NCAM2: variants seen among roughly 807,000 people sequenced by gnomAD.
NCAM2 encodes the protein neural cell adhesion molecule 2, also known as N-CAM-2.
In NCAM2, 30 loss-of-function variants were observed where a neutral mutation model predicts 98.1. The observed-to-expected ratio is 0.31, with a 90% CI of 0.23 to 0.41. The LOEUF (loss-of-function observed/expected upper bound fraction) is 0.41, where lower values mean the gene tolerates loss of function less well. Among genes scored for constraint, NCAM2 ranks in the 10% least tolerant of loss-of-function variants. The pLI, the probability that NCAM2 is intolerant of heterozygous loss-of-function variation, is 1.00. For synonymous variants in NCAM2, 368 were observed against 342.4 expected (o/e 1.07, Z -0.83); for missense variants, 867 against 1,005.8 (o/e 0.86, Z 1.87).
intron 15 of NCAM2, among the ~76,000 whole-genome samples, chr21:21,485,895 A>T (rs1241116205): frequency 1.3e-5 from 2 of 152,126 alleles, no homozygotes; most frequent in African/African-American, 4.8e-5. Context: ...TCTCTTTCAT[A>T]GTAGATTTTC....
intron 12 of NCAM2, among the ~76,000 whole-genome samples, chr21:21,458,562 C>T (rs188222070): frequency 4.1e-4 from 62 of 152,224 alleles, no homozygotes; most frequent in African/African-American, 1.5e-3. Context: ...CTGCTTTGCC[C>T]CTTCTGCAAT....
At position 21,079,370 on chromosome 21, in the gene NCAM2, C is replaced by T. The variant is rs148557622; in HGVS notation, c.55+80752C>T. ...CACCTCTATGAGTGAGAAGCTATGA[C>T]AGAATTTGTAGAAATGTCAAAGATG... On this transcript the variant is annotated intron_variant, in intron 1 of 17. Transcript: ENST00000400546. 1.5e-3 allele frequency among the ~76,000 whole-genome samples: 224 copies of T among 152,182 alleles called. 1 individual carries two copies. Among genetic ancestry groups the T allele is most frequent in the African/African-American group, 5.4e-3 (223 of 41,524 alleles).
intron 1 of NCAM2, among the ~76,000 whole-genome samples, chr21:21,070,025 T>G (rs2065526347): frequency 6.6e-6 from 1 of 152,128 alleles, no homozygotes; most frequent in East Asian, 1.9e-4. Context: ...TGTGTATGCA[T>G]GCACGCTGAA....
chr21:21,076,004 C>A (rs1414421375), intron 1 of NCAM2, among the ~76,000 whole-genome samples: 1 of 151,824 alleles, frequency 6.6e-6, no homozygotes, highest in Non-Finnish European at 1.5e-5. Context: ...GTAGTCCCAG[C>A]CACTCAGAAG....
chr21:21,372,057 T>C (rs2075930071), intron 8 of NCAM2, among the ~76,000 whole-genome samples: 1 of 151,794 alleles, frequency 6.6e-6, no homozygotes, highest in Non-Finnish European at 1.5e-5. Flanking sequence ...CTAATTGGAT[T>C]CTAAATTTGA....
intron 1 of NCAM2, among the ~76,000 whole-genome samples, chr21:21,026,448 C>T (rs113769635): frequency 3.3e-5 from 5 of 151,878 alleles, no homozygotes; most frequent in African/African-American, 7.3e-5. Context: ...CACCTGAGGT[C>T]GGGAGTTCGA....
intron 1 of NCAM2, among the ~76,000 whole-genome samples, chr21:21,082,933 C>T (rs769820730): frequency 6.6e-6 from 1 of 152,212 alleles, no homozygotes; most frequent in Non-Finnish European, 1.5e-5. Context: ...ACATCCTGTA[C>T]TCTGGAAAGC....
intron 16 of NCAM2, among the ~76,000 whole-genome samples, chr21:21,521,935 T>C (rs1384616550): frequency 2.0e-5 from 3 of 151,066 alleles, no homozygotes; most frequent in Non-Finnish European, 1.5e-5. Flanking sequence ...ATGTGTAAAT[T>C]CAAACATGTA....
At chr21:21,222,947 A>G (rs2070230486) in intron 1 of NCAM2, among the ~76,000 whole-genome samples, 2 of 152,148 alleles carry the variant, frequency 1.3e-5, no homozygotes, top group East Asian at 1.9e-4. Flanking sequence ...AATTGGCACA[A>G]CCACCTCAAT....
chr21:21,458,901 C>T (rs544253430), intron 12 of NCAM2, among the ~76,000 whole-genome samples: 133 of 151,880 alleles, frequency 8.8e-4, no homozygotes, highest in Non-Finnish European at 1.4e-3. Flanking sequence ...ACCAACAGAG[C>T]GAAAGGGAAT....
chr21:21,316,499 A>G (rs1341465878), intron 5 of NCAM2, among the ~76,000 whole-genome samples: 1 of 151,082 alleles, frequency 6.6e-6, no homozygotes, highest in East Asian at 1.9e-4. Context: ...CCTTTCTCCA[A>G]CATCTCCATC....
chr21:21,160,278 C>T (rs563726013), intron 1 of NCAM2, among the ~76,000 whole-genome samples: 1 of 151,936 alleles, frequency 6.6e-6, no homozygotes. Context: ...AGTAATGCCA[C>T]TGATCTATAT....
intron 1 of NCAM2, among the ~76,000 whole-genome samples, chr21:21,054,387 T>C (rs747581594): frequency 5.3e-5 from 8 of 152,054 alleles, no homozygotes; most frequent in Non-Finnish European, 8.8e-5. Flanking sequence ...CGTACTCCTG[T>C]GGTCTAACAG....
chr21:21,251,123 G>A (rs1369239055), intron 1 of NCAM2, among the ~76,000 whole-genome samples: 1 of 152,030 alleles, frequency 6.6e-6, no homozygotes, highest in Non-Finnish European at 1.5e-5. Context: ...AAAGCTAAGT[G>A]CTCTTTATCT....
Position 21,257,697 on chromosome 21 carries a change from C to T in NCAM2, c.56-22881C>T, listed in dbSNP as rs189243896. On this transcript the variant is annotated intron_variant, in intron 1 of 17. Coordinates refer to ENST00000400546, the MANE Select transcript of NCAM2 (RefSeq NM_004540.5). ...TCCCGGGTTGAAGCAATTCTCCTGC[C>T]TAAACCTCCTGAGTAGCTGGGGTTC... 1.8e-3 allele frequency among the ~76,000 whole-genome samples: 267 copies of T among 152,216 alleles called. 2 individuals are homozygous for T. The highest frequency in any genetic ancestry group is 6.2e-3 in the African/African-American group (256 of 41,536).
intron 10 of NCAM2, among the ~76,000 whole-genome samples, chr21:21,418,251 T>G (rs2077034713): frequency 6.6e-6 from 1 of 152,026 alleles, no homozygotes; most frequent in African/African-American, 2.4e-5. Context: ...AATAGATAAA[T>G]TCTGATTTGC....
Position 21,336,159 on chromosome 21 carries a change from T to G in NCAM2, c.898+494T>G, listed in dbSNP as rs138027342. On this transcript the variant is annotated intron_variant, in intron 7 of 17. Coordinates refer to ENST00000400546, the MANE Select transcript of NCAM2 (RefSeq NM_004540.5). Reference sequence around the variant, plus strand: ...TTATTTGGGTAACTTATAGAGCATATAAAACTAGTACTTTACAGAAATATA... The same window carrying G: ...TTATTTGGGTAACTTATAGAGCATAGAAAACTAGTACTTTACAGAAATATA... Among the ~76,000 whole-genome samples, 387 of 152,274 alleles carry G rather than the reference T, an allele frequency of 2.5e-3. 3 individuals carry two copies. The highest frequency in any genetic ancestry group is 4.1e-3 in the Non-Finnish European group (281 of 68,022).
Position 21,450,771 on chromosome 21 carries a change from C to CATGT in NCAM2, c.1655-15816_1655-15813dup, listed in dbSNP as rs147604225. Among the ~76,000 whole-genome samples, 930 of 135,634 alleles carry CATGT rather than the reference C, an allele frequency of 6.9e-3. 23 individuals are homozygous for CATGT. The highest frequency in any genetic ancestry group is 0.024 in the African/African-American group (868 of 36,544). 89.0% of individuals were successfully genotyped at this position (135,634 alleles called of 152,430 possible). A position where few individuals can be genotyped will look rare whatever the true frequency, so the allele number is the denominator to read the frequency against. On this transcript the variant is annotated intron_variant, in intron 12 of 17. Coordinates refer to ENST00000400546, the MANE Select transcript of NCAM2 (RefSeq NM_004540.5). The stretch of plus-strand genomic sequence containing the variant: ...AATTTGTGTTATTCCTCCTCCCCAT[C>CATGT]ATGTATGTATGTATGTATGTATACA...
chr21:21,058,169 A>G (rs948470060), intron 1 of NCAM2, among the ~76,000 whole-genome samples: 49 of 147,558 alleles, frequency 3.3e-4, no homozygotes, highest in Non-Finnish European at 4.8e-4. Context: ...AAAAAAACCC[A>G]AAAAACAAAC....
Sources: gnomAD v4.1 joint callset for allele counts (sites outside exome capture counted in the v4.1 genomes callset) on GRCh38, gnomAD v4.1.1 for gene constraint, MANE v1.5 for transcripts, NCBI Gene and HGNC (gene_info 2026-07-23, HGNC 2026-07-21) for gene names.